The following ATP8A1 variants were observed in gnomAD, a reference collection of about 807,000 sequenced individuals.
ATP8A1 encodes ATPase phospholipid transporting 8A1.
Under a neutral mutation model 177.7 loss-of-function variants are expected in ATP8A1, and 90 were observed. The ratio of observed to expected loss-of-function variants is 0.51; its 90% CI spans 0.43 to 0.60. The LOEUF is 0.60. Among genes scored for constraint, ATP8A1 ranks in the 20% least tolerant of loss-of-function variants. ATP8A1 has a pLI of 0.00. For synonymous variants in ATP8A1, 493 were observed against 485.9 expected, an observed-to-expected ratio of 1.01 and a Z score of -0.19; for missense variants, 1,072 against 1,392.8, an observed-to-expected ratio of 0.77 and a Z score of 3.67.
chr4:42,452,344 TA>T (rs566142569), intron 29 of ATP8A1, among the ~76,000 whole-genome samples: 56 of 152,202 alleles, frequency 3.7e-4, no homozygotes, highest in African/African-American at 1.2e-3. Flanking sequence ...AAATTTAAAA[TA>T]AAAAAATGCA....
At chr4:42,500,321 T>C (rs1056650850) in intron 24 of ATP8A1, among the ~76,000 whole-genome samples, 2 of 152,070 alleles carry the variant, frequency 1.3e-5, no homozygotes, top group African/African-American at 4.8e-5. Context: ...GCCGAGATCG[T>C]GCCACTGCAC....
chr4:42,636,156 A>ACACACACGCGTGCGCGCGCG (rs565139270), intron 1 of ATP8A1, among the ~76,000 whole-genome samples: 140 of 90,966 alleles, frequency 1.5e-3, no homozygotes, highest in African/African-American at 1.9e-3. Flanking sequence ...ACACACACAC[A>ACACACACGCGTGCGCGCGCG]CGCACACACA....
At chr4:42,531,961 G>A (rs1727303075) in intron 20 of ATP8A1, among the ~76,000 whole-genome samples, 1 of 152,076 alleles carries the variant, frequency 6.6e-6, no homozygotes, top group Admixed American at 6.5e-5. Flanking sequence ...AGTTAGCCAG[G>A]TGTGGTGGTG....
At chr4:42,541,548 T>C (rs1728387909) in intron 20 of ATP8A1, among the ~76,000 whole-genome samples, 1 of 152,224 alleles carries the variant, frequency 6.6e-6, no homozygotes, top group Non-Finnish European at 1.5e-5. Flanking sequence ...TGAAAACCTA[T>C]GTTTACACAA....
chr4:42,612,348 G>C (rs1736453926), intron 5 of ATP8A1, among the ~76,000 whole-genome samples: 1 of 150,288 alleles, frequency 6.7e-6, no homozygotes, highest in Non-Finnish European at 1.5e-5. Flanking sequence ...ACTAAGACAG[G>C]ATCCTGGTCT....
chr4:42,514,163 G>A (rs1725285736), intron 22 of ATP8A1, among the ~76,000 whole-genome samples: 1 of 152,208 alleles, frequency 6.6e-6, no homozygotes, highest in African/African-American at 2.4e-5. Flanking sequence ...CCAAGAAATA[G>A]ATTTTAACTT....
At chr4:42,594,360 T>C (rs1332259567) in intron 6 of ATP8A1, 2 of 1,558,830 alleles carry the variant, frequency 1.3e-6, no homozygotes, top group African/African-American at 1.4e-5. Flanking sequence ...CTCCAACATT[T>C]ACCTGAAAGA....
chr4:42,428,791 C>CACAT (rs1239370397), intron 33 of ATP8A1, among the ~76,000 whole-genome samples: 1 of 152,158 alleles, frequency 6.6e-6, no homozygotes, highest in Non-Finnish European at 1.5e-5. Flanking sequence ...TCTCTTGCTA[C>CACAT]ACATAACATG....
At chr4:42,652,787 C>T (rs1741233037) in intron 1 of ATP8A1, among the ~76,000 whole-genome samples, 2 of 152,230 alleles carry the variant, frequency 1.3e-5, no homozygotes, top group Non-Finnish European at 2.9e-5. Flanking sequence ...GCTCCTCCTT[C>T]ACTTTCCGCC....
At position 42,410,146 on chromosome 4, in the gene ATP8A1, A is replaced by G. The variant is rs1268064595; in HGVS notation, c.*2770T>C. 6.6e-6 allele frequency: 1 copy of G among 152,206 alleles called. No homozygotes were observed. The highest frequency in any genetic ancestry group is 6.5e-5 in the Admixed American group (1 of 15,282). 9.4% of individuals were successfully genotyped at this position (152,206 alleles called of 1,614,324 possible). On this transcript the variant is annotated 3_prime_UTR_variant, in exon 37 of 37. Transcript: ENST00000381668. ...CTGTTTTCCTAATAATATCTACAATATAACATCTTTCTGGGTGTGAGACAC... is the reference window on the plus strand; with the variant it reads ...CTGTTTTCCTAATAATATCTACAATGTAACATCTTTCTGGGTGTGAGACAC...
At chr4:42,616,916 C>T (rs1736975083) in intron 4 of ATP8A1, among the ~76,000 whole-genome samples, 2 of 152,184 alleles carry the variant, frequency 1.3e-5, no homozygotes, top group Non-Finnish European at 2.9e-5. Flanking sequence ...TCTAAATTTA[C>T]AGCATCGAGT....
chr4:42,537,895 T>G (rs1277633755), intron 20 of ATP8A1, among the ~76,000 whole-genome samples: 1 of 152,018 alleles, frequency 6.6e-6, no homozygotes, highest in African/African-American at 2.4e-5. Flanking sequence ...TTCTTCACAA[T>G]TAGAAAAAAT....
At chr4:42,524,421 G>GTT (rs57749223) in intron 21 of ATP8A1, among the ~76,000 whole-genome samples, 21,057 of 144,838 alleles carry the variant, frequency 0.15, 1,685 homozygotes, top group East Asian at 0.26. Context: ...TAGAATATCT[G>GTT]TTTTTTTTTT....
intron 34 of ATP8A1, among the ~76,000 whole-genome samples, chr4:42,423,108 A>G (rs1325880571): frequency 6.6e-6 from 1 of 152,184 alleles, no homozygotes; most frequent in Non-Finnish European, 1.5e-5. Context: ...GGTTTACAAT[A>G]TTGAAACTCC....
At position 42,414,938 on chromosome 4, in the gene ATP8A1, A is replaced by G. The variant is rs143438415; in HGVS notation, c.3306-220T>C. 5.3e-4 allele frequency: 270 copies of G among 514,006 alleles called. 1 individual carries two copies. The highest frequency in any genetic ancestry group is 4.3e-3 in the African/African-American group (225 of 52,226). The allele number at this position is 514,006 out of a possible 1,614,324, so 31.8% of individuals were successfully genotyped here. The stretch of plus-strand genomic sequence containing the variant: ...TTCTCCCTAAGGAGTTTGGTCCCCA[A>G]TAATCCTTCTCCCAGTAAAAAGTAG... On this transcript the variant is annotated intron_variant, in intron 35 of 36. Coordinates refer to ENST00000381668, the MANE Select transcript of ATP8A1 (RefSeq NM_006095.2).
Position 42,521,839 on chromosome 4 carries a change from C to T in ATP8A1, c.1947+321G>A, listed in dbSNP as rs142235821. 1.6e-4 allele frequency among the ~76,000 whole-genome samples: 24 copies of T among 152,114 alleles called. No homozygotes were observed. In the East Asian group the frequency reaches 4.4e-3, roughly 28 times the overall value. ...ACACATGTCATGTATGTAATGTGTGCGTGTGTGTAGGGGCATGTTCCATAT... is the reference window on the plus strand; with the variant it reads ...ACACATGTCATGTATGTAATGTGTGTGTGTGTGTAGGGGCATGTTCCATAT... On this transcript the variant is annotated intron_variant, in intron 22 of 36. Coordinates refer to ENST00000381668, the MANE Select transcript of ATP8A1 (RefSeq NM_006095.2).
At chr4:42,539,847 T>C (rs577126140) in intron 20 of ATP8A1, among the ~76,000 whole-genome samples, 1 of 152,190 alleles carries the variant, frequency 6.6e-6, no homozygotes, top group Admixed American at 6.5e-5. Flanking sequence ...TTAAAAATAC[T>C]AGAAGAAAAC....
At chr4:42,492,610 C>T (rs894984657) in intron 24 of ATP8A1, among the ~76,000 whole-genome samples, 3 of 152,192 alleles carry the variant, frequency 2.0e-5, no homozygotes, top group African/African-American at 7.2e-5. Flanking sequence ...CTGCTGCCAC[C>T]TTGATCTTGA....
At chr4:42,627,213 C>T (rs1334616464) in intron 1 of ATP8A1, 104 bp from the exon 2 acceptor site, 8 of 762,974 alleles carry the variant, frequency 1.0e-5, no homozygotes, top group Non-Finnish European at 1.7e-5. Flanking sequence ...AAGCTACTTG[C>T]TTCCCCTTAA....
Sources: gnomAD v4.1 joint callset for allele counts (sites outside exome capture counted in the v4.1 genomes callset) on GRCh38, gnomAD v4.1.1 for gene constraint, MANE v1.5 for transcripts, NCBI Gene and HGNC (gene_info 2026-07-23, HGNC 2026-07-21) for gene names.